The following CDON variants were observed in gnomAD, a reference collection of about 807,000 sequenced individuals.
CDON encodes the protein cell adhesion molecule-related/down-regulated by oncogenes.
Under a neutral mutation model 120.9 loss-of-function variants are expected in CDON, and 73 were observed. The ratio of observed to expected loss-of-function variants is 0.60; its 90% CI spans 0.50 to 0.73. The LOEUF is 0.73. Ranked by LOEUF, CDON falls within the 30% of genes least tolerant of loss-of-function variation. CDON has a pLI of 0.00. For synonymous variants in CDON, 566 were observed against 573.5 expected (o/e 0.99, Z 0.19); for missense variants, 1,470 against 1,587.3 (o/e 0.93, Z 1.26).
At chr11:126,010,799 C>A in intron 7 of CDON, 105 bp from the exon 8 acceptor site, 1 of 858,058 alleles carries the variant, frequency 1.2e-6, no homozygotes, top group Non-Finnish European at 1.9e-6. Flanking sequence ...TGATTAAAAC[C>A]AAGATAGCTA....
At chr11:125,982,216 C>T (rs989362201) in intron 16 of CDON, among the ~76,000 whole-genome samples, 4 of 151,872 alleles carry the variant, frequency 2.6e-5, no homozygotes, top group Non-Finnish European at 4.4e-5. Context: ...CCTCGTGATC[C>T]GCCCACCTCG....
chr11:126,046,024 T>G (rs564840619), intron 1 of CDON, among the ~76,000 whole-genome samples: 1 of 152,200 alleles, frequency 6.6e-6, no homozygotes, highest in African/African-American at 2.4e-5. Context: ...TGCTAGCCCC[T>G]TTTTAGCAAA....
At chr11:126,051,660 T>TC (rs1948562019) in intron 1 of CDON, among the ~76,000 whole-genome samples, 1 of 151,230 alleles carries the variant, frequency 6.6e-6, no homozygotes, top group Non-Finnish European at 1.5e-5. Flanking sequence ...TTCTTTTTTT[T>TC]TTTTTTTCCA....
chr11:126,031,879 C>A (rs1197463612), intron 1 of CDON, among the ~76,000 whole-genome samples: 1 of 152,210 alleles, frequency 6.6e-6, no homozygotes, highest in African/African-American at 2.4e-5. Flanking sequence ...CTCAAGGCTT[C>A]TCTTCCTCCT....
At chr11:126,056,116 AAG>A (rs1449179022) in intron 1 of CDON, among the ~76,000 whole-genome samples, 1 of 152,192 alleles carries the variant, frequency 6.6e-6, no homozygotes, top group East Asian at 1.9e-4. Flanking sequence ...GCACCCAAGA[AAG>A]AGATTCTTCC....
At position 126,010,624 on chromosome 11, in the gene CDON, A is replaced by G. The variant is rs764247618; in HGVS notation, c.1269T>C (p.Thr423=). The stretch of plus-strand genomic sequence containing the variant: ...GCAGCCCACTGGCATTGCAGGACAG[A>G]GTAACAAAGTCTCCGTCTGCAACCT... ...SAKVADGDFV[T]LSCNASGLPV... is the part of the protein sequence containing the mutation. Residue 423 remains threonine (T), a synonymous_variant, in exon 8 of 20, where the codon ACT becomes ACC. Coordinates refer to ENST00000531738, the MANE Select transcript of CDON (RefSeq NM_001378964.1). 10 of 1,614,092 alleles carry G rather than the reference A, an allele frequency of 6.2e-6. No homozygotes were observed. The highest frequency in any genetic ancestry group is 5.0e-5 in the Admixed American group (3 of 60,000).
chr11:126,007,441 T>G (rs2134609234), intron 8 of CDON, among the ~76,000 whole-genome samples: 1 of 152,332 alleles, frequency 6.6e-6, no homozygotes, highest in African/African-American at 2.4e-5. Flanking sequence ...GTTTATCTAG[T>G]GAGTCAGACT....
At chr11:126,035,514 A>C (rs934594449) in intron 1 of CDON, among the ~76,000 whole-genome samples, 9 of 152,174 alleles carry the variant, frequency 5.9e-5, no homozygotes, top group Admixed American at 5.9e-4. Flanking sequence ...GGTCAGACAC[A>C]GCTTCATCAA....
intron 15 of CDON, among the ~76,000 whole-genome samples, chr11:125,984,687 AT>A (rs1427017536): frequency 8.7e-6 from 1 of 114,400 alleles, no homozygotes; most frequent in South Asian, 3.5e-4. Context: ...ACAGAGTGAG[AT>A]TCTGTCTCAA....
chr11:125,986,677 A>G (rs1296117335), intron 15 of CDON, among the ~76,000 whole-genome samples: 1 of 152,008 alleles, frequency 6.6e-6, no homozygotes, highest in Non-Finnish European at 1.5e-5. Context: ...AGGCAGGAGA[A>G]TAACTTGAAC....
At chr11:125,983,368 C>T (rs1946369851) in intron 16 of CDON, among the ~76,000 whole-genome samples, 1 of 152,152 alleles carries the variant, frequency 6.6e-6, no homozygotes, top group South Asian at 2.1e-4. Flanking sequence ...AGGGAGAGGA[C>T]GCCATGCTGG....
At chr11:126,040,814 CAAAAAAAAAAAAAAA>C (rs71048763) in intron 1 of CDON, among the ~76,000 whole-genome samples, 5 of 45,014 alleles carry the variant, frequency 1.1e-4, no homozygotes, top group East Asian at 1.5e-3. Flanking sequence ...GACTCCGTCT[CAAAAAAAAAAAAAAA>C]AAAAAAAAAA....
At chr11:126,011,252 TCTTTC>T (rs1947293690) in intron 7 of CDON, among the ~76,000 whole-genome samples, 2 of 152,198 alleles carry the variant, frequency 1.3e-5, no homozygotes, top group Non-Finnish European at 2.9e-5. Context: ...TGGCACCAAA[TCTTTC>T]CTTTTGGTCC....
intron 10 of CDON, among the ~76,000 whole-genome samples, chr11:126,002,591 AGCCTTCCCTCACAAGCC>A (rs1437715744): frequency 6.6e-6 from 1 of 152,150 alleles, no homozygotes; most frequent in Non-Finnish European, 1.5e-5. Flanking sequence ...TTTTTTATCA[AGCCTTCCCTCACAAGCC>A]GCCCTGCAGA....
At chr11:125,973,126 C>T (rs770897312) in intron 18 of CDON, among the ~76,000 whole-genome samples, 5 of 147,074 alleles carry the variant, frequency 3.4e-5, no homozygotes, top group Non-Finnish European at 7.4e-5. Flanking sequence ...TACAACTATG[C>T]TAGTCTACTG....
At chr11:126,063,232 A>G (rs1948852387), upstream of CDON, 1 of 152,316 alleles carries the variant, frequency 6.6e-6, no homozygotes, top group Non-Finnish European at 1.5e-5. Flanking sequence ...TTACCAAGTC[A>G]CGGAGATTCC....
chr11:125,986,415 G>C (rs915566447), intron 15 of CDON, among the ~76,000 whole-genome samples: 2 of 151,934 alleles, frequency 1.3e-5, no homozygotes, highest in African/African-American at 4.8e-5. Flanking sequence ...ATGTACCCTA[G>C]AACTTAAAAG....
At chr11:126,037,311 G>A (rs1028706030) in intron 1 of CDON, among the ~76,000 whole-genome samples, 3 of 151,976 alleles carry the variant, frequency 2.0e-5, no homozygotes, top group Non-Finnish European at 4.4e-5. Flanking sequence ...CGTTGGCCAG[G>A]CTGGTCTTGA....
In CDON at chr11:126,015,496, A is replaced by C; in HGVS notation, c.943T>G (p.Ser315Ala). 1.9e-6 allele frequency: 3 copies of C among 1,614,068 alleles called. No individual in the cohort carries two copies. Among genetic ancestry groups the C allele is most frequent in the Non-Finnish European group, 2.5e-6 (3 of 1,179,966 alleles). ...ACTATCTGATCCTGTAGTCCTTTAG[A>C]AATGGAAGCATGTTCTGAAAATAAA... is the stretch of plus-strand genomic sequence containing the variant. ...MVNVLEHASI[S>A]KGLQDQIVSL... Residue 315 changes from serine (S) to alanine (A), a missense_variant, in exon 7 of 20, where the codon TCT becomes GCT. By Grantham distance (99) the Ser-to-Ala change is moderately conservative (BLOSUM62 1). Transcript: ENST00000531738.
Sources: gnomAD v4.1 joint callset for allele counts (sites outside exome capture counted in the v4.1 genomes callset) on GRCh38, gnomAD v4.1.1 for gene constraint, MANE v1.5 for transcripts, NCBI Gene and HGNC (gene_info 2026-07-23, HGNC 2026-07-21) for gene names.